Variants in ARSK observed in about 807,000 individuals in gnomAD.
ARSK encodes the protein arylsulfatase family member K, also known as arylsulfatase K.
ARSK carries 37 observed loss-of-function variants against 53.2 expected under a neutral mutation model. The observed-to-expected ratio is 0.70, with a 90% confidence interval of 0.54 to 0.92. The LOEUF is 0.92. Ranked by LOEUF, ARSK falls within the 40% of genes least tolerant of loss-of-function variation. ARSK has a pLI of 0.00. For missense variants in ARSK, 613 were observed against 643.0 expected (o/e 0.95, Z 0.51); for synonymous variants, 208 against 223.2 (o/e 0.93, Z 0.61).
chr5:95,563,268 A>C (rs1482762525), intron 1 of ARSK, among the ~76,000 whole-genome samples: 2 of 152,216 alleles, frequency 1.3e-5, no homozygotes, highest in Non-Finnish European at 2.9e-5. Flanking sequence ...TAGGAACCAA[A>C]TTTTGCAATT....
At chr5:95,580,987 C>T in intron 3 of ARSK, 1 of 1,095,398 alleles carries the variant, frequency 9.1e-7, no homozygotes, top group Non-Finnish European at 1.2e-6. Context: ...TCTCTGCTGC[C>T]TTAACAGTGC....
In ARSK at chr5:95,591,421, C is replaced by T. The variant is rs763077667; in HGVS notation, c.892C>T (p.His298Tyr). 3 of 1,613,424 alleles carry T rather than the reference C, an allele frequency of 1.9e-6. No individual in the cohort carries two copies. In the South Asian group the frequency reaches 3.3e-5, roughly 18 times the overall value. The change falls in exon 6 of 8, where the codon CAT becomes TAT. Residue 298 changes from histidine to tyrosine, a missense_variant. Coordinates refer to ENST00000380009, the MANE Select transcript of ARSK (RefSeq NM_198150.3). ...TGTAGGTGAAATTATTTTGGCCCTTCATCAATTAGATCTTCTTCAGAAAAC... is the reference window on the plus strand; with the variant it reads ...TGTAGGTGAAATTATTTTGGCCCTTTATCAATTAGATCTTCTTCAGAAAAC... ...AMLGEIILAL[H>Y]QLDLLQKTIV... is the part of the protein sequence containing the mutation.
intron 6 of ARSK, among the ~76,000 whole-genome samples, chr5:95,597,914 G>GC (rs1749341240): frequency 8.1e-6 from 1 of 124,084 alleles, no homozygotes; most frequent in Non-Finnish European, 1.7e-5. Context: ...AGTGGGGGGC[G>GC]GGTAATAGTG....
intron 2 of ARSK, among the ~76,000 whole-genome samples, chr5:95,567,062 A>G (rs1203612602): frequency 6.6e-6 from 1 of 152,188 alleles, no homozygotes; most frequent in African/African-American, 2.4e-5. Flanking sequence ...CTAATCCTCA[A>G]GCAAGTCACT....
chr5:95,575,700 G>T (rs1748913091), intron 3 of ARSK, among the ~76,000 whole-genome samples: 1 of 152,106 alleles, frequency 6.6e-6, no homozygotes, highest in South Asian at 2.1e-4. Context: ...ATTGTTTGCT[G>T]TTGGCATATA....
chr5:95,575,155 G>C (rs1748903196), intron 3 of ARSK, among the ~76,000 whole-genome samples: 1 of 152,100 alleles, frequency 6.6e-6, no homozygotes, highest in Non-Finnish European at 1.5e-5. Flanking sequence ...GTTCACTGTA[G>C]GTGTATGGAG....
At chr5:95,557,265 T>C (rs1319926457) in intron 1 of ARSK, among the ~76,000 whole-genome samples, 2 of 152,114 alleles carry the variant, frequency 1.3e-5, no homozygotes, top group Non-Finnish European at 2.9e-5. Context: ...AGGGTGTTCA[T>C]TGCATCTAGA....
intron 7 of ARSK, 49 bp downstream of exon 7, chr5:95,601,120 G>A (rs1174216211): frequency 7.0e-7 from 1 of 1,435,074 alleles, no homozygotes; most frequent in South Asian, 1.2e-5. Flanking sequence ...GTAATGAACT[G>A]CCCTATGTAG....
At chr5:95,602,496 T>C (rs1749419676) in intron 7 of ARSK, among the ~76,000 whole-genome samples, 1 of 152,174 alleles carries the variant, frequency 6.6e-6, no homozygotes, top group Admixed American at 6.5e-5. Context: ...TCTTGGCTAC[T>C]GCACTTAAGT....
At chr5:95,590,759 G>A (rs960317977) in intron 5 of ARSK, among the ~76,000 whole-genome samples, 1 of 152,148 alleles carries the variant, frequency 6.6e-6, no homozygotes, top group South Asian at 2.1e-4. Context: ...GAGGAAGTTC[G>A]AGAACACTGA....
Position 95,555,139 on chromosome 5 carries a change from G to A in ARSK, c.-140G>A. 1 of 670,746 alleles carries A rather than the reference G, an allele frequency of 1.5e-6. No homozygotes were observed. The highest frequency in any genetic ancestry group is 1.6e-5 in the South Asian group (1 of 61,360). 41.5% of individuals were successfully genotyped at this position (670,746 alleles called of 1,614,324 possible). A position where few individuals can be genotyped will look rare whatever the true frequency, so the allele number is the denominator to read the frequency against. Reference sequence around the variant, plus strand: ...GCCTGATAGGAGTTGTAGTTCTGCGGGTGAAGCTCGGCGTTACTATCAAGC... The same window carrying A: ...GCCTGATAGGAGTTGTAGTTCTGCGAGTGAAGCTCGGCGTTACTATCAAGC... On this transcript the variant is annotated 5_prime_UTR_variant, in exon 1 of 8. Coordinates refer to ENST00000380009, the MANE Select transcript of ARSK (RefSeq NM_198150.3). This position sits in a 1 kb window ranked among gnomAD's most constrained non-coding sequence, Gnocchi z 4.0.
intron 1 of ARSK, among the ~76,000 whole-genome samples, chr5:95,563,979 T>G (rs1388978028): frequency 6.8e-6 from 1 of 147,576 alleles, no homozygotes; most frequent in Non-Finnish European, 1.5e-5. Context: ...TGCACTTTTT[T>G]TTTTTTTTTT....
rs1384885872 is a variant in ARSK, at chr5:95,591,431, A to T, written c.902A>T (p.Asp301Val). 2.2e-5 allele frequency: 36 copies of T among 1,613,810 alleles called. No homozygotes were observed. The East Asian group carries it at 8.0e-4, about 36-fold the overall frequency. ...ATTATTTTGGCCCTTCATCAATTAG[A>T]TCTTCTTCAGAAAACTATTGTCATA... The part of the protein sequence containing the change: ...GEIILALHQL[D>V]LLQKTIVIYS... The change falls in exon 6 of 8, where the codon GAT (aspartate) becomes GTT (valine). Residue 301 changes from aspartate (D) to valine (V), a missense_variant. Transcript: ENST00000380009.
At chr5:95,564,786 C>G (rs578158249) in intron 1 of ARSK, among the ~76,000 whole-genome samples, 16 of 152,178 alleles carry the variant, frequency 1.1e-4, no homozygotes, top group Non-Finnish European at 2.4e-4. Flanking sequence ...GCCATTCTTT[C>G]TCAGTTTCCC....
chr5:95,581,678 T>C (rs534291892), intron 3 of ARSK, among the ~76,000 whole-genome samples: 1 of 152,316 alleles, frequency 6.6e-6, no homozygotes, highest in Non-Finnish European at 1.5e-5. Context: ...CTGCTGGTGT[T>C]ATAAACCCGT....
At position 95,572,836 on chromosome 5, in the gene ARSK, C is replaced by A. The variant is rs373453640; in HGVS notation, c.416+4787C>A. Among the ~76,000 whole-genome samples, 33 of 152,172 alleles carry A rather than the reference C, an allele frequency of 2.2e-4. No individual in the cohort carries two copies. The East Asian group carries it at 3.5e-3, about 16-fold the overall frequency. On this transcript the variant is annotated intron_variant, in intron 3 of 7. Transcript: ENST00000380009. ...GGTAAAATTTTGTTGCCTATCTATT[C>A]CTAAAGTAGTGGTTTTCAACTGAGG... is the stretch of plus-strand genomic sequence containing the variant.
rs181629279 is a variant in ARSK, at chr5:95,602,312, T to A, written c.1322-925T>A. ...ATAAAAGCCAATTTGTTCTTTAAAT[T>A]TGTTGAAATTTTGTTTTTTATACCA... On this transcript the variant is annotated intron_variant, in intron 7 of 7. Transcript: ENST00000380009. 4.6e-5 allele frequency among the ~76,000 whole-genome samples: 7 copies of A among 152,300 alleles called. No individual in the cohort carries two copies. In the East Asian group the frequency reaches 1.4e-3, roughly 29 times the overall value.
In ARSK at chr5:95,576,952, C is replaced by T. The variant is rs1748934963; in HGVS notation, c.417-5964C>T. On this transcript the variant is annotated intron_variant, in intron 3 of 7. Transcript: ENST00000380009. ...ACTTATATTTCATGCAAGACTCCAT[C>T]ATAAGTTAAGTGCTGGCCACGTTAA... Among the ~76,000 whole-genome samples the T allele has an allele frequency of 2.0e-5, 3 of 152,176 alleles. No homozygotes were observed. The South Asian group carries it at 6.2e-4, about 32-fold the overall frequency.
chr5:95,574,395 A>T (rs888987221), intron 3 of ARSK, among the ~76,000 whole-genome samples: 1 of 152,040 alleles, frequency 6.6e-6, no homozygotes, highest in Non-Finnish European at 1.5e-5. Context: ...TGGCAACTCT[A>T]TTTTTAGTAT....
Sources: gnomAD v4.1 joint callset for allele counts (sites outside exome capture counted in the v4.1 genomes callset) on GRCh38, gnomAD v4.1.1 for gene constraint, Gnocchi (gnomAD v3.1) non-coding constraint, MANE v1.5 for transcripts, NCBI Gene and HGNC (gene_info 2026-07-23, HGNC 2026-07-21) for gene names.